The following PID1 variants were observed in gnomAD, a reference collection of about 807,000 sequenced individuals.
PID1 encodes PTB-containing, cubilin and LRP1-interacting protein.
In PID1, 10 loss-of-function variants were observed where a neutral mutation model predicts 19.1. The observed-to-expected ratio is 0.52, with a 90% CI of 0.32 to 0.89. The LOEUF is 0.89. Ranked by LOEUF, PID1 falls within the 40% of genes least tolerant of loss-of-function variation. The pLI is 0.03. For missense variants in PID1, 248 were observed against 285.3 expected (o/e 0.87, Z 0.94); for synonymous variants, 130 against 116.0 (o/e 1.12, Z -0.78).
At chr2:229,194,688 TATAAC>T (rs1324392613) in intron 1 of PID1, among the ~76,000 whole-genome samples, 2 of 151,974 alleles carry the variant, frequency 1.3e-5, no homozygotes, top group East Asian at 1.9e-4. Context: ...ATGAAATACA[TATAAC>T]AGAATGCAAT....
At chr2:229,250,847 T>C (rs535869778) in intron 1 of PID1, among the ~76,000 whole-genome samples, 4 of 152,280 alleles carry the variant, frequency 2.6e-5, no homozygotes, top group East Asian at 1.9e-4. Context: ...TGTAGTAACA[T>C]GGATCTACCC....
At chr2:229,162,867 T>A (rs1690517189) in intron 1 of PID1, among the ~76,000 whole-genome samples, 1 of 152,230 alleles carries the variant, frequency 6.6e-6, no homozygotes, top group South Asian at 2.1e-4. Flanking sequence ...TAAGATATCT[T>A]GCTTATTCTT....
chr2:229,071,455 C>A (rs1159453588), intron 2 of PID1, among the ~76,000 whole-genome samples: 2 of 152,222 alleles, frequency 1.3e-5, no homozygotes, highest in African/African-American at 2.4e-5. Flanking sequence ...AAGGACTCTG[C>A]ACGCATTATG....
chr2:229,088,866 CCT>C (rs1295110422), intron 2 of PID1, among the ~76,000 whole-genome samples: 1 of 152,116 alleles, frequency 6.6e-6, no homozygotes, highest in East Asian at 1.9e-4. Context: ...TCCAGGTTCT[CCT>C]CTGTTTATAT....
At chr2:229,181,277 G>A (rs1310363200) in intron 1 of PID1, among the ~76,000 whole-genome samples, 1 of 152,104 alleles carries the variant, frequency 6.6e-6, no homozygotes, top group East Asian at 1.9e-4. Context: ...CCCGAAGGGA[G>A]AAAGAGCCCA....
At chr2:229,103,105 T>A (rs1695106208) in intron 2 of PID1, among the ~76,000 whole-genome samples, 1 of 152,180 alleles carries the variant, frequency 6.6e-6, no homozygotes. Context: ...TCAGGGATGA[T>A]AATCATAAGA....
intron 2 of PID1, among the ~76,000 whole-genome samples, chr2:229,053,576 C>G (rs1373725173): frequency 6.6e-6 from 1 of 152,202 alleles, no homozygotes; most frequent in East Asian, 1.9e-4. Flanking sequence ...AGGTCTCCCC[C>G]AGCAAGCCCG....
intron 1 of PID1, among the ~76,000 whole-genome samples, chr2:229,256,451 C>T (rs1690298385): frequency 6.6e-6 from 1 of 152,170 alleles, no homozygotes; most frequent in African/African-American, 2.4e-5. Flanking sequence ...ATTGAAGCAC[C>T]CTGGACAATG....
At chr2:229,149,023 C>T (rs1247202711) in intron 2 of PID1, among the ~76,000 whole-genome samples, 1 of 147,290 alleles carries the variant, frequency 6.8e-6, no homozygotes. Flanking sequence ...AAACCACAGG[C>T]TTGAATCTAA....
At chr2:229,233,576 C>T (rs532447406) in intron 1 of PID1, among the ~76,000 whole-genome samples, 2 of 152,042 alleles carry the variant, frequency 1.3e-5, no homozygotes, top group African/African-American at 2.4e-5. Flanking sequence ...ACTGCAACCT[C>T]CACCTCCCGG....
At chr2:229,177,843 G>A (rs1324315999) in intron 1 of PID1, among the ~76,000 whole-genome samples, 2 of 152,130 alleles carry the variant, frequency 1.3e-5, no homozygotes, top group Admixed American at 1.3e-4. Flanking sequence ...TCACGACAAT[G>A]CTCTGAGGTA....
intron 2 of PID1, among the ~76,000 whole-genome samples, chr2:229,126,659 T>C (rs1414646310): frequency 3.9e-5 from 6 of 152,166 alleles, no homozygotes; most frequent in Non-Finnish European, 8.8e-5. Flanking sequence ...AGAGAGTACA[T>C]ACAAATAAAA....
chr2:229,256,255 C>T (rs1386908850), intron 1 of PID1, among the ~76,000 whole-genome samples: 1 of 152,124 alleles, frequency 6.6e-6, no homozygotes, highest in African/African-American at 2.4e-5. Context: ...AAAATTCAAG[C>T]CCTCCGTGAT....
intron 2 of PID1, among the ~76,000 whole-genome samples, chr2:229,139,025 A>AAGAAAGAAAGAAAGAAAG (rs1689926362): frequency 1.1e-5 from 1 of 88,192 alleles, no homozygotes; most frequent in African/African-American, 4.3e-5. Flanking sequence ...GAAAGAAAGA[A>AAGAAAGAAAGAAAGAAAG]AGAAAGAAAG....
At chr2:229,102,718 T>C (rs1322806302) in intron 2 of PID1, among the ~76,000 whole-genome samples, 1 of 152,198 alleles carries the variant, frequency 6.6e-6, no homozygotes, top group Non-Finnish European at 1.5e-5. Flanking sequence ...AGATGGCAAC[T>C]GTCCTGAGGG....
At chr2:229,264,508 C>T (rs1198006567) in intron 1 of PID1, among the ~76,000 whole-genome samples, 2 of 152,126 alleles carry the variant, frequency 1.3e-5, no homozygotes, top group African/African-American at 4.8e-5. Flanking sequence ...CTCACCCATA[C>T]CCTAACACCC....
chr2:229,129,517 T>A (rs1689677849), intron 2 of PID1, among the ~76,000 whole-genome samples: 1 of 151,954 alleles, frequency 6.6e-6, no homozygotes, highest in South Asian at 2.1e-4. Context: ...ACTATGGTAA[T>A]AAGTATCTTA....
chr2:229,266,056 T>A (rs1690584603), intron 1 of PID1, among the ~76,000 whole-genome samples: 1 of 152,220 alleles, frequency 6.6e-6, no homozygotes, highest in African/African-American at 2.4e-5. Context: ...ATTTTATTCC[T>A]GAGGGAGACT....
chr2:229,204,542 C>T (rs986268647), intron 1 of PID1, among the ~76,000 whole-genome samples: 1 of 152,024 alleles, frequency 6.6e-6, no homozygotes, highest in Admixed American at 6.6e-5. Context: ...TCTGTGCCCA[C>T]CATTTTGTTT....
Sources: allele counts gnomAD v4.1 joint callset (sites outside exome capture counted in the v4.1 genomes callset), GRCh38; gene constraint gnomAD v4.1.1; transcripts MANE v1.5; gene names NCBI Gene and HGNC (gene_info 2026-07-23, HGNC 2026-07-21).